The following TCF4 variants were observed in gnomAD, a reference collection of about 807,000 sequenced individuals.
TCF4 encodes transcription factor 4, also known as SL3-3 enhancer factor 2.
In TCF4, 3 loss-of-function variants were observed where a neutral mutation model predicts 82.1. That is an observed-to-expected ratio of 0.04 (90% CI 0.02 to 0.09). TCF4 has a LOEUF of 0.09. TCF4 is among the 10% of genes least tolerant of loss of function. The pLI is 1.00. For missense variants in TCF4, 518 were observed against 852.7 expected (o/e 0.61, Z 4.89); for synonymous variants, 276 against 309.6 (o/e 0.89, Z 1.14).
intron 3 of TCF4, among the ~76,000 whole-genome samples, chr18:55,508,860 A>G (rs1176019008): frequency 6.6e-6 from 1 of 152,210 alleles, no homozygotes; most frequent in Non-Finnish European, 1.5e-5. Context: ...TCCCTGCAAG[A>G]AATTTGCTTA....
At chr18:55,347,875 T>C (rs533099869) in intron 8 of TCF4, among the ~76,000 whole-genome samples, 2 of 152,320 alleles carry the variant, frequency 1.3e-5, no homozygotes, top group African/African-American at 4.8e-5. Flanking sequence ...AAGTGTCTTA[T>C]GTAGTCATAA....
intron 3 of TCF4, among the ~76,000 whole-genome samples, chr18:55,468,905 C>T (rs1376790639): frequency 7.6e-6 from 1 of 131,310 alleles, no homozygotes; most frequent in Non-Finnish European, 1.6e-5. Context: ...TGTTCTATTG[C>T]CACCCTTTTT....
At chr18:55,506,126 A>C (rs905077716) in intron 3 of TCF4, among the ~76,000 whole-genome samples, 4 of 152,186 alleles carry the variant, frequency 2.6e-5, no homozygotes, top group Non-Finnish European at 5.9e-5. Flanking sequence ...TCAGATTCTA[A>C]GGATAAAGCC....
intron 5 of TCF4, among the ~76,000 whole-genome samples, chr18:55,406,195 T>C (rs2094079222): frequency 6.6e-6 from 1 of 150,848 alleles, no homozygotes; most frequent in Non-Finnish European, 1.5e-5. Flanking sequence ...CATCCACTTT[T>C]ACCATCAAAT....
At chr18:55,370,797 C>T (rs951507849) in intron 6 of TCF4, among the ~76,000 whole-genome samples, 3 of 151,914 alleles carry the variant, frequency 2.0e-5, no homozygotes, top group African/African-American at 7.3e-5. Context: ...GGGGGTGAGG[C>T]CACGAAAATA....
chr18:55,474,403 C>T (rs1020252343), intron 3 of TCF4, among the ~76,000 whole-genome samples: 1 of 152,170 alleles, frequency 6.6e-6, no homozygotes, highest in Non-Finnish European at 1.5e-5. Context: ...TTCATCTAAA[C>T]TCCAGAAAAA....
chr18:55,319,651 G>A (rs940012127), intron 8 of TCF4, among the ~76,000 whole-genome samples: 1 of 150,756 alleles, frequency 6.6e-6, no homozygotes, highest in East Asian at 1.9e-4. Flanking sequence ...GTGACAGAGC[G>A]ATCTTGATTT....
intron 3 of TCF4, among the ~76,000 whole-genome samples, chr18:55,515,932 G>A (rs1224010478): frequency 6.6e-6 from 1 of 152,150 alleles, no homozygotes; most frequent in African/African-American, 2.4e-5. Context: ...GGTGATTCCG[G>A]AGAAAGACTC....
At chr18:55,376,638 T>C (rs2090825523) in intron 6 of TCF4, among the ~76,000 whole-genome samples, 3 of 152,204 alleles carry the variant, frequency 2.0e-5, no homozygotes, top group African/African-American at 7.2e-5. Flanking sequence ...CTCTTCATAG[T>C]TTCAGTTCTC....
intron 3 of TCF4, among the ~76,000 whole-genome samples, chr18:55,562,179 T>G (rs1311531719): frequency 6.6e-6 from 1 of 152,188 alleles, no homozygotes; most frequent in Non-Finnish European, 1.5e-5. Context: ...GAGTCTGTGG[T>G]TACAAAGCCA....
intron 3 of TCF4, among the ~76,000 whole-genome samples, chr18:55,468,880 C>CG: frequency 5.4e-5 from 1 of 18,672 alleles, no homozygotes; most frequent in Non-Finnish European, 1.5e-4. Context: ...ATTTAGTTCT[C>CG]GCCCCCCCCC....
chr18:55,427,936 T>G (rs1317293362), intron 5 of TCF4, among the ~76,000 whole-genome samples: 2 of 152,228 alleles, frequency 1.3e-5, no homozygotes, highest in African/African-American at 4.8e-5. Flanking sequence ...ACCTCTGTCT[T>G]CAGGAAACTG....
chr18:55,523,375 A>T (rs193035901), intron 3 of TCF4, among the ~76,000 whole-genome samples: 2 of 152,166 alleles, frequency 1.3e-5, no homozygotes, highest in Admixed American at 6.5e-5. Context: ...TAGTTAAATA[A>T]ATTCAGGAAA....
rs1022280694 is a variant in TCF4, at chr18:55,461,156, A to G, written c.208-41T>C. 4.6e-6 allele frequency: 7 copies of G among 1,518,790 alleles called. No homozygotes were observed. The African/African-American group carries it at 9.7e-5, about 21-fold the overall frequency. 94.1% of individuals were successfully genotyped at this position (1,518,790 alleles called of 1,614,324 possible). ...CAGTGTAAGTTATTATTTTATATTA[A>G]TAAACAGCACATAAACAAACATAGC... On this transcript the variant is annotated intron_variant, in intron 4 of 19. Coordinates refer to ENST00000354452, the MANE Select transcript of TCF4 (RefSeq NM_001083962.2).
chr18:55,382,059 A>T (rs1269055507), intron 6 of TCF4, among the ~76,000 whole-genome samples: 1 of 152,160 alleles, frequency 6.6e-6, no homozygotes, highest in Non-Finnish European at 1.5e-5. Context: ...GGATACAATA[A>T]AACAAAAATA....
chr18:55,251,710 C>T (rs2055159735), intron 15 of TCF4, among the ~76,000 whole-genome samples: 1 of 152,150 alleles, frequency 6.6e-6, no homozygotes, highest in Non-Finnish European at 1.5e-5. Flanking sequence ...GTTACTGCAA[C>T]TCGCTTCCGC....
At chr18:55,459,802 C>A (rs2095839788) in intron 5 of TCF4, among the ~76,000 whole-genome samples, 1 of 152,102 alleles carries the variant, frequency 6.6e-6, no homozygotes, top group Non-Finnish European at 1.5e-5. Flanking sequence ...AAATTTACTA[C>A]TTTGAAGGCA....
chr18:55,566,411 T>C (rs2097407150), intron 3 of TCF4, among the ~76,000 whole-genome samples: 1 of 152,008 alleles, frequency 6.6e-6, no homozygotes, highest in Admixed American at 6.6e-5. Flanking sequence ...TTTGTACTTG[T>C]ACCCTATAAA....
At chr18:55,244,643 T>C (rs1239482252) in intron 15 of TCF4, among the ~76,000 whole-genome samples, 14 of 152,234 alleles carry the variant, frequency 9.2e-5, no homozygotes, top group Admixed American at 9.2e-4. Context: ...GAAGTCTTTC[T>C]CACTTGCTCT....
Sources: allele counts gnomAD v4.1 joint callset (sites outside exome capture counted in the v4.1 genomes callset), GRCh38; gene constraint gnomAD v4.1.1; transcripts MANE v1.5; gene names NCBI Gene and HGNC (gene_info 2026-07-23, HGNC 2026-07-21).